The following TXNRD1 variants were observed in gnomAD, a reference collection of about 807,000 sequenced individuals.
TXNRD1 encodes the protein thioredoxin reductase 1, cytoplasmic.
TXNRD1 carries 57 observed loss-of-function variants against 80.3 expected under a neutral mutation model. The observed-to-expected ratio is 0.71, with a 90% CI of 0.57 to 0.89. TXNRD1 has a LOEUF of 0.89. Among genes scored for constraint, TXNRD1 ranks in the 40% least tolerant of loss-of-function variants. The pLI, the probability that TXNRD1 is intolerant of heterozygous loss-of-function variation, is 0.00. For missense variants in TXNRD1, 730 were observed against 803.0 expected (o/e 0.91, Z 1.10); for synonymous variants, 291 against 285.2 (o/e 1.02, Z -0.20).
intron 4 of TXNRD1, among the ~76,000 whole-genome samples, chr12:104,293,717 G>T (rs2034312374): frequency 6.6e-6 from 1 of 152,118 alleles, no homozygotes; most frequent in African/African-American, 2.4e-5. Flanking sequence ...GGCGACGAGA[G>T]AGTGTAGAAA....
intron 4 of TXNRD1, among the ~76,000 whole-genome samples, chr12:104,305,373 C>G (rs763859494): frequency 6.6e-5 from 10 of 151,020 alleles, no homozygotes; most frequent in Non-Finnish European, 1.2e-4. Flanking sequence ...AAAAAAAAAC[C>G]TGTCTGTAAG....
At chr12:104,303,854 G>A (rs2034753687) in intron 4 of TXNRD1, 1 of 1,449,358 alleles carries the variant, frequency 6.9e-7, no homozygotes, top group Non-Finnish European at 9.0e-7. Context: ...GAAGGGAGAC[G>A]AAGAGAAAGG....
At chr12:104,318,283 A>G (rs915549843) in intron 7 of TXNRD1, among the ~76,000 whole-genome samples, 1 of 152,128 alleles carries the variant, frequency 6.6e-6, no homozygotes, top group Non-Finnish European at 1.5e-5. Context: ...ATGTGATAAG[A>G]CTCTTAAAAT....
chr12:104,246,823 A>G (rs566745907), intron 1 of TXNRD1, among the ~76,000 whole-genome samples: 4 of 151,782 alleles, frequency 2.6e-5, no homozygotes, highest in Admixed American at 1.3e-4. Flanking sequence ...ACCCGGCCAC[A>G]TGATGGCTTT....
intron 3 of TXNRD1, among the ~76,000 whole-genome samples, chr12:104,269,613 G>A (rs2033610710): frequency 6.6e-6 from 1 of 151,718 alleles, no homozygotes; most frequent in African/African-American, 2.4e-5. Flanking sequence ...CTGTCCCCAG[G>A]CTGGAGTGCA....
intron 1 of TXNRD1, among the ~76,000 whole-genome samples, chr12:104,232,205 A>T (rs1403049693): frequency 2.0e-5 from 3 of 152,208 alleles, no homozygotes; most frequent in African/African-American, 7.2e-5. Flanking sequence ...AAATATCTGT[A>T]AGTTGGGTGA....
chr12:104,256,793 A>AG (rs2033260685), intron 2 of TXNRD1, among the ~76,000 whole-genome samples: 1 of 133,934 alleles, frequency 7.5e-6, no homozygotes, highest in South Asian at 2.4e-4. Flanking sequence ...AAAAAAAAAG[A>AG]AAAAGAAAAA....
chr12:104,336,075 C>T (rs1010780216), intron 15 of TXNRD1, among the ~76,000 whole-genome samples: 3 of 152,160 alleles, frequency 2.0e-5, no homozygotes, highest in African/African-American at 7.2e-5. Flanking sequence ...ACTTTTACTG[C>T]AGACAAAAGG....
At chr12:104,238,255 A>T (rs1454812377) in intron 1 of TXNRD1, among the ~76,000 whole-genome samples, 1 of 152,170 alleles carries the variant, frequency 6.6e-6, no homozygotes, top group East Asian at 1.9e-4. Context: ...TATATTAAGG[A>T]CGTTAACAGG....
chr12:104,273,998 G>T (rs1290763909), intron 3 of TXNRD1, among the ~76,000 whole-genome samples: 1 of 152,098 alleles, frequency 6.6e-6, no homozygotes, highest in Non-Finnish European at 1.5e-5. Context: ...GTTGCAGTGA[G>T]CCGAGATAGT....
chr12:104,333,352 A>G (rs1430970929), intron 14 of TXNRD1, among the ~76,000 whole-genome samples: 2 of 152,140 alleles, frequency 1.3e-5, no homozygotes, highest in Non-Finnish European at 2.9e-5. Flanking sequence ...TTATAGAAGT[A>G]TAACGTGTTT....
At chr12:104,247,339 A>T (rs1189533275) in intron 1 of TXNRD1, among the ~76,000 whole-genome samples, 1 of 152,158 alleles carries the variant, frequency 6.6e-6, no homozygotes, top group Non-Finnish European at 1.5e-5. Flanking sequence ...AAGTGCTGGG[A>T]TTACAGGTGT....
At chr12:104,231,248 G>A (rs1213317037) in intron 1 of TXNRD1, among the ~76,000 whole-genome samples, 2 of 152,108 alleles carry the variant, frequency 1.3e-5, no homozygotes, top group Non-Finnish European at 2.9e-5. Flanking sequence ...GGGGGTTTTG[G>A]GCAACAACTA....
chr12:104,308,359 T>C (rs1032123078), intron 4 of TXNRD1, among the ~76,000 whole-genome samples: 7 of 152,168 alleles, frequency 4.6e-5, no homozygotes, highest in African/African-American at 1.7e-4. Flanking sequence ...ATATGACAGG[T>C]GATGTGGCAA....
intron 1 of TXNRD1, among the ~76,000 whole-genome samples, chr12:104,246,663 C>T (rs1284274294): frequency 6.6e-6 from 1 of 151,234 alleles, no homozygotes; most frequent in East Asian, 2.0e-4. Flanking sequence ...GCTGGGATTA[C>T]AGGCGTGCAC....
chr12:104,323,562 G>C (rs2035627735), intron 10 of TXNRD1, among the ~76,000 whole-genome samples: 1 of 131,742 alleles, frequency 7.6e-6, no homozygotes. Flanking sequence ...CGGACGGGGC[G>C]GCTGGCCGGG....
intron 9 of TXNRD1, 98 bp downstream of exon 9, chr12:104,319,683 C>A: frequency 1.1e-6 from 1 of 903,830 alleles, no homozygotes; most frequent in Non-Finnish European, 1.7e-6. Flanking sequence ...GGGCTTCAGA[C>A]AGATTTCTTT....
In TXNRD1 at chr12:104,228,371, T is replaced by C. The variant is rs147009643; in HGVS notation, c.91+12478T>C. 8.5e-3 allele frequency among the ~76,000 whole-genome samples: 1,282 copies of C among 150,978 alleles called. 18 individuals carry two copies. Among genetic ancestry groups the C allele is most frequent in the South Asian group, 0.073 (349 of 4,782 alleles). ...ATATAGGCCGGTTGTGGTGGCTTAC[T>C]CCTGTAATCCCAGCACTTTGGAGGC... On this transcript the variant is annotated intron_variant, in intron 1 of 16. Coordinates refer to ENST00000525566, the MANE Select transcript of TXNRD1 (RefSeq NM_001093771.3).
intron 16 of TXNRD1, among the ~76,000 whole-genome samples, chr12:104,345,519 G>C (rs1201695526): frequency 6.6e-6 from 1 of 152,232 alleles, no homozygotes; most frequent in African/African-American, 2.4e-5. Flanking sequence ...TCCTGTGTGA[G>C]AGGGATTCTC....
Sources: allele counts gnomAD v4.1 joint callset (sites outside exome capture counted in the v4.1 genomes callset), GRCh38; gene constraint gnomAD v4.1.1; transcripts MANE v1.5; gene names NCBI Gene and HGNC (gene_info 2026-07-23, HGNC 2026-07-21).